PHLPP2: variants seen among roughly 807,000 people sequenced by gnomAD.
PHLPP2 encodes PH domain leucine-rich repeat-containing protein phosphatase 2.
In PHLPP2, 66 loss-of-function variants were observed where a neutral mutation model predicts 124.9. The ratio of observed to expected loss-of-function variants is 0.53; its 90% CI spans 0.43 to 0.65. The LOEUF is 0.65. Among genes scored for constraint, PHLPP2 ranks in the 30% least tolerant of loss-of-function variants. The pLI, the probability that PHLPP2 is intolerant of heterozygous loss-of-function variation, is 0.00. For missense variants in PHLPP2, 1,685 were observed against 1,600.4 expected (o/e 1.05, Z -0.90); for synonymous variants, 681 against 624.7 (o/e 1.09, Z -1.34).
At chr16:71,683,607 A>G (rs1761053968) in intron 5 of PHLPP2, among the ~76,000 whole-genome samples, 1 of 152,212 alleles carries the variant, frequency 6.6e-6, no homozygotes, top group Non-Finnish European at 1.5e-5. Context: ...TAACTCCCAC[A>G]GACAGTACAG....
rs1389421894 is a variant in PHLPP2, at chr16:71,679,526, T to C, written c.900A>G (p.Gln300=). ...GGLDTLYKFS[Q]LKGLNLSHNK... is the part of the protein sequence containing the mutation. ...TATGGGACAAGTTCAGGCCCTTCAG[T>C]TGAGAAAATCTAAAGAGCAAAGGCA... The change falls in exon 7 of 19, where the codon CAA becomes CAG. Residue 300 remains glutamine, a synonymous_variant. Coordinates refer to ENST00000568954, the MANE Select transcript of PHLPP2 (RefSeq NM_015020.3). The C allele has an allele frequency of 9.9e-6, 16 of 1,613,876 alleles. No individual in the cohort carries two copies. Among genetic ancestry groups the C allele is most frequent in the Non-Finnish European group, 1.2e-5 (14 of 1,179,938 alleles).
chr16:71,697,459 T>G (rs866310072), intron 3 of PHLPP2, among the ~76,000 whole-genome samples: 1 of 152,316 alleles, frequency 6.6e-6, no homozygotes, highest in African/African-American at 2.4e-5. Flanking sequence ...TAGGCAGTTA[T>G]ATGCCCCACT....
chr16:71,655,739 C>T (rs2044736731), intron 16 of PHLPP2, among the ~76,000 whole-genome samples: 1 of 152,104 alleles, frequency 6.6e-6, no homozygotes, highest in Admixed American at 6.5e-5. Flanking sequence ...ATCCGCCCAC[C>T]TTGGCCTCCC....
intron 3 of PHLPP2, among the ~76,000 whole-genome samples, chr16:71,691,221 A>G (rs998642011): frequency 2.0e-5 from 3 of 152,148 alleles, no homozygotes; most frequent in South Asian, 2.1e-4. Context: ...TGGGGGGGCC[A>G]AGGCGGGCAT....
intron 4 of PHLPP2, among the ~76,000 whole-genome samples, chr16:71,688,002 T>G (rs142715847): frequency 2.6e-5 from 4 of 152,280 alleles, no homozygotes; most frequent in Admixed American, 1.3e-4. Context: ...AACAGCTCCA[T>G]AGGCCAGCAA....
At chr16:71,676,754 A>C in intron 8 of PHLPP2, 105 bp from the exon 9 acceptor site, 1 of 846,136 alleles carries the variant, frequency 1.2e-6, no homozygotes, top group Non-Finnish European at 1.8e-6. Flanking sequence ...TTCTCTGTTT[A>C]CTTTTTTTTT....
At chr16:71,717,910 G>C (rs896690334) in intron 1 of PHLPP2, among the ~76,000 whole-genome samples, 1 of 152,118 alleles carries the variant, frequency 6.6e-6, no homozygotes, top group Non-Finnish European at 1.5e-5. Context: ...TGTTTGTTTT[G>C]AGACACGATC....
At chr16:71,653,396 G>A (rs1163275130) in intron 17 of PHLPP2, among the ~76,000 whole-genome samples, 1 of 152,128 alleles carries the variant, frequency 6.6e-6, no homozygotes, top group African/African-American at 2.4e-5. Context: ...GAATCAGTGG[G>A]TAAGAGGCTG....
chr16:71,674,028 C>T (rs1226737492), intron 9 of PHLPP2, among the ~76,000 whole-genome samples: 1 of 151,836 alleles, frequency 6.6e-6, no homozygotes, highest in African/African-American at 2.4e-5. Context: ...CCCTCTTTCA[C>T]CTATCATATA....
intron 2 of PHLPP2, among the ~76,000 whole-genome samples, chr16:71,711,522 A>G (rs1264301316): frequency 6.6e-6 from 1 of 152,196 alleles, no homozygotes; most frequent in Non-Finnish European, 1.5e-5. Context: ...CCAGGATTCA[A>G]ACTCCAGCTC....
chr16:71,660,308 T>C (rs62053107), intron 13 of PHLPP2, among the ~76,000 whole-genome samples: 49,799 of 144,032 alleles, frequency 0.35, 9,259 homozygotes, highest in East Asian at 0.74. Context: ...CCCAGGAGTT[T>C]GAGGCTGCAG....
intron 8 of PHLPP2, chr16:71,678,211 G>C (rs2044965214): frequency 6.6e-6 from 1 of 152,260 alleles, no homozygotes; most frequent in Non-Finnish European, 1.5e-5. Flanking sequence ...GAGGGTAAGT[G>C]AGAACAATCT....
Position 71,676,515 on chromosome 16 carries a change from C to T in PHLPP2, c.1403G>A (p.Gly468Glu), listed in dbSNP as rs1487839275. 6.2e-7 allele frequency: 1 copy of T among 1,614,046 alleles called. No homozygotes were observed. Among genetic ancestry groups the T allele is most frequent in the Non-Finnish European group, 8.5e-7 (1 of 1,180,006 alleles). Residue 468 changes from glycine to glutamate, a missense_variant, in exon 9 of 19, where the codon GGG becomes GAG. Gly to Glu is a moderately conservative substitution (Grantham distance 98, BLOSUM62 -2). Transcript: ENST00000568954. ...TGTTAGCTCCCTCAGCTGATTCCGC[C>T]CACAGTGCAGCTGTTCCAAGCTGCA... ...SLCSLEQLHCGRNQLRELTLS... is the reference protein window; with the variant it reads ...SLCSLEQLHCERNQLRELTLS...
At chr16:71,721,227 G>T (rs1419933867) in intron 1 of PHLPP2, among the ~76,000 whole-genome samples, 1 of 151,586 alleles carries the variant, frequency 6.6e-6, no homozygotes, top group Non-Finnish European at 1.5e-5. Flanking sequence ...CAGCTACTCA[G>T]GAAGCTAAGG....
chr16:71,718,796 A>G (rs973721578), intron 1 of PHLPP2, among the ~76,000 whole-genome samples: 1 of 152,238 alleles, frequency 6.6e-6, no homozygotes, highest in Non-Finnish European at 1.5e-5. Context: ...TCCTGTCTAC[A>G]TGATACATTC....
intron 17 of PHLPP2, among the ~76,000 whole-genome samples, chr16:71,653,270 A>T (rs2044711207): frequency 6.6e-6 from 1 of 151,872 alleles, no homozygotes; most frequent in Admixed American, 6.6e-5. Context: ...CTTTCTCCAT[A>T]GCTTTTGTGT....
intron 1 of PHLPP2, chr16:71,723,817 C>T: frequency 1.6e-6 from 2 of 1,283,686 alleles, no homozygotes; most frequent in Non-Finnish European, 2.0e-6. Flanking sequence ...GCGCTTCGGG[C>T]GGCTCCGGGG....
At chr16:71,676,359 G>T in intron 9 of PHLPP2, 88 bp downstream of exon 9, 1 of 983,346 alleles carries the variant, frequency 1.0e-6, no homozygotes, top group Non-Finnish European at 1.6e-6. Context: ...CTGCAGAGTG[G>T]CTGAGGAACA....
intron 6 of PHLPP2, among the ~76,000 whole-genome samples, chr16:71,679,764 G>A (rs904105790): frequency 6.6e-6 from 1 of 152,110 alleles, no homozygotes; most frequent in African/African-American, 2.4e-5. Flanking sequence ...TAGCATTACA[G>A]GAGCTCTCTT....
Sources: allele counts gnomAD v4.1 joint callset (sites outside exome capture counted in the v4.1 genomes callset), GRCh38; gene constraint gnomAD v4.1.1; transcripts MANE v1.5; gene names NCBI Gene and HGNC (gene_info 2026-07-23, HGNC 2026-07-21).